The following FRYL variants were observed in gnomAD, a reference collection of about 807,000 sequenced individuals.
FRYL encodes the protein FRY like transcription coactivator, also known as protein furry homolog-like.
Under a neutral mutation model 351.2 loss-of-function variants are expected in FRYL, and 150 were observed. That is an observed-to-expected ratio of 0.43 (90% CI 0.37 to 0.49). FRYL has a LOEUF of 0.49. FRYL is among the 20% of genes least tolerant of loss of function. The probability of loss-of-function intolerance (pLI) is 0.00; values close to 1 mark genes in which losing one functional copy is unlikely to be tolerated. For synonymous variants in FRYL, 1,153 were observed against 1,257.1 expected, an observed-to-expected ratio of 0.92 and a Z score of 1.75; for missense variants, 3,036 against 3,619.3, an observed-to-expected ratio of 0.84 and a Z score of 4.13.
chr4:48,552,220 GTATAAA>G (rs952052412), intron 36 of FRYL, among the ~76,000 whole-genome samples: 12 of 150,798 alleles, frequency 8.0e-5, no homozygotes, highest in Non-Finnish European at 1.3e-4. Flanking sequence ...ATATGTGTGT[GTATAAA>G]TATAAACAGT....
rs117221219 is a variant in FRYL, at chr4:48,603,551, G to C, written c.835-163C>G. Among the ~76,000 whole-genome samples, 59 of 152,272 alleles carry C rather than the reference G, an allele frequency of 3.9e-4. No homozygotes were observed. The East Asian group carries it at 0.011, about 28-fold the overall frequency. On this transcript the variant is annotated intron_variant, in intron 11 of 63. Coordinates refer to ENST00000358350, the MANE Select transcript of FRYL (RefSeq NM_015030.2). Reference sequence around the variant, plus strand: ...AAGTGACCAAATGTTAAGTACATAAGATAAACCTAGTCCCAGCCCTGAGTG... The same window carrying C: ...AAGTGACCAAATGTTAAGTACATAACATAAACCTAGTCCCAGCCCTGAGTG...
chr4:48,759,145 G>T (rs1318743834), intron 1 of FRYL, among the ~76,000 whole-genome samples: 1 of 152,082 alleles, frequency 6.6e-6, no homozygotes, highest in Admixed American at 6.6e-5. Flanking sequence ...ACGAGTTAAT[G>T]GGTGCGGCAC....
chr4:48,593,210 G>C (rs1260395609), intron 16 of FRYL, among the ~76,000 whole-genome samples: 6 of 131,052 alleles, frequency 4.6e-5, no homozygotes, highest in Non-Finnish European at 7.8e-5. Flanking sequence ...AATGTTGAAT[G>C]AATGAGATTT....
chr4:48,738,385 A>C (rs1336323627), intron 1 of FRYL, among the ~76,000 whole-genome samples: 1 of 152,246 alleles, frequency 6.6e-6, no homozygotes, highest in Non-Finnish European at 1.5e-5. Flanking sequence ...TATAAACCTA[A>C]CAAAATTTGT....
chr4:48,522,863 GA>G, intron 54 of FRYL, 37 bp downstream of exon 54: 1 of 1,483,488 alleles, frequency 6.7e-7, no homozygotes, highest in Non-Finnish European at 9.4e-7. Context: ...AGAGGAAAAT[GA>G]GACCAAATGT....
At chr4:48,514,066 C>T (rs1383804285) in intron 56 of FRYL, among the ~76,000 whole-genome samples, 4 of 152,038 alleles carry the variant, frequency 2.6e-5, no homozygotes, top group South Asian at 4.2e-4. Context: ...GGTAAGTATT[C>T]TTGATATGTT....
chr4:48,650,194 G>A (rs1757321128), intron 3 of FRYL, among the ~76,000 whole-genome samples: 1 of 152,110 alleles, frequency 6.6e-6, no homozygotes, highest in African/African-American at 2.4e-5. Context: ...TCCCCTGAGA[G>A]ACATCAGTAG....
chr4:48,720,287 G>T (rs1259551110), intron 1 of FRYL, among the ~76,000 whole-genome samples: 2 of 152,008 alleles, frequency 1.3e-5, no homozygotes, highest in Non-Finnish European at 2.9e-5. Context: ...CATGAGGTCA[G>T]GAGTTCAAGA....
chr4:48,764,766 C>T (rs539714653), intron 1 of FRYL, among the ~76,000 whole-genome samples: 1 of 152,252 alleles, frequency 6.6e-6, no homozygotes, highest in South Asian at 2.1e-4. Flanking sequence ...GTAAAAACAA[C>T]CATACTACTC....
chr4:48,547,670 G>T lies in FRYL; in HGVS notation c.4988C>A (p.Ala1663Asp). ...CTCCTTGTTCCTGAGAAGGACAGAA[G>T]CAACAGTTCGGATGTTACTATTGGG... ...MGPNSNIRTV[A>D]SVLLRNKEFN... The change falls in exon 41 of 64, where the codon GCT becomes GAT. Residue 1663 changes from alanine (A) to aspartate (D), a missense_variant. Transcript: ENST00000358350. 2 of 1,608,370 alleles carry T rather than the reference G, an allele frequency of 1.2e-6. No individual in the cohort carries two copies. Among genetic ancestry groups the T allele is most frequent in the Non-Finnish European group, 1.7e-6 (2 of 1,176,004 alleles).
chr4:48,550,666 T>A lies in FRYL; in HGVS notation c.4559A>T (p.His1520Leu). 6.2e-7 allele frequency: 1 copy of A among 1,614,078 alleles called. No individual in the cohort carries two copies. The highest frequency in any genetic ancestry group is 8.5e-7 in the Non-Finnish European group (1 of 1,179,908). ...TAGTCTGTGATGTTGCCGATTCAAA[T>A]GACTGTTTAGTCCACTGTAAATGTC... ...HLDIYSGLNS[H>L]LNRQHHRLES... is the part of the protein sequence containing the mutation. The change falls in exon 38 of 64, where the codon CAT becomes CTT. Residue 1520 changes from histidine (H) to leucine (L), a missense_variant. By Grantham distance (99) the His-to-Leu change is moderately conservative. This residue lies in a region of FRYL where 1,987 missense variants were observed against 2,311.7 expected (regional missense o/e 0.86). Coordinates refer to ENST00000358350, the MANE Select transcript of FRYL (RefSeq NM_015030.2).
At chr4:48,776,871 A>G (rs1273630531) in intron 1 of FRYL, among the ~76,000 whole-genome samples, 2 of 152,244 alleles carry the variant, frequency 1.3e-5, no homozygotes, top group African/African-American at 4.8e-5. Flanking sequence ...AATCTGCTAA[A>G]GCCATGAAAA....
At chr4:48,673,792 C>T (rs1395029040) in intron 3 of FRYL, among the ~76,000 whole-genome samples, 2 of 152,194 alleles carry the variant, frequency 1.3e-5, no homozygotes, top group African/African-American at 4.8e-5. Flanking sequence ...TCACTAACTT[C>T]AATCAGTGAG....
chr4:48,696,818 C>T (rs1766214562), intron 2 of FRYL, among the ~76,000 whole-genome samples: 1 of 150,688 alleles, frequency 6.6e-6, no homozygotes, highest in African/African-American at 2.4e-5. Flanking sequence ...AACATAAGCC[C>T]AGTATAAAAG....
At chr4:48,744,694 G>A (rs1772470239) in intron 1 of FRYL, among the ~76,000 whole-genome samples, 1 of 152,102 alleles carries the variant, frequency 6.6e-6, no homozygotes, top group South Asian at 2.1e-4. Context: ...TCTTTCATTT[G>A]GGATAACTTT....
At chr4:48,687,492 C>CGGGGGGGGGGGGGGG (rs561805370) in intron 2 of FRYL, among the ~76,000 whole-genome samples, 5 of 46,566 alleles carry the variant, frequency 1.1e-4, no homozygotes, top group Non-Finnish European at 1.8e-4. Context: ...CAAATGAGGT[C>CGGGGGGGGGGGGGGG]GGGGGGGGGG....
chr4:48,565,466 TGAGA>T, intron 29 of FRYL, 61 bp downstream of exon 29: 1 of 1,270,776 alleles, frequency 7.9e-7, no homozygotes, highest in Non-Finnish European at 1.1e-6. Flanking sequence ...TACTAGTGAC[TGAGA>T]GACTTAAAAA....
intron 1 of FRYL, among the ~76,000 whole-genome samples, chr4:48,774,437 C>T (rs1321281149): frequency 2.0e-5 from 3 of 152,172 alleles, no homozygotes; most frequent in Non-Finnish European, 4.4e-5. Flanking sequence ...TTTCTTAACA[C>T]TCCAATCTTT....
chr4:48,589,761 G>T lies in FRYL; in HGVS notation c.1624C>A (p.Pro542Thr), dbSNP rs768009035. ...MTSVQMSNKE[P>T]EDMITGERKP... Reference sequence around the variant, plus strand: ...ACTACATACGTAATCATGTCTTCAGGCTCCTTATTAGACATCTGCACACTG... The same window carrying T: ...ACTACATACGTAATCATGTCTTCAGTCTCCTTATTAGACATCTGCACACTG... The change falls in exon 18 of 64, where the codon CCT becomes ACT. Residue 542 changes from proline (P) to threonine (T), a missense_variant. Transcript: ENST00000358350. 2 of 1,613,116 alleles carry T rather than the reference G, an allele frequency of 1.2e-6. No individual in the cohort carries two copies. The highest frequency in any genetic ancestry group is 2.2e-5 in the East Asian group (1 of 44,850).
Sources: allele counts gnomAD v4.1 joint callset (sites outside exome capture counted in the v4.1 genomes callset), GRCh38; gene constraint gnomAD v4.1.1; regional missense constraint gnomAD v4.1.1; transcripts MANE v1.5; gene names NCBI Gene and HGNC (gene_info 2026-07-23, HGNC 2026-07-21).